TRPM3: variants seen among roughly 807,000 people sequenced by gnomAD.
TRPM3 encodes long transient receptor potential channel 3.
Under a neutral mutation model 181.2 loss-of-function variants are expected in TRPM3, and 77 were observed. That is an observed-to-expected ratio of 0.42 (90% confidence interval 0.35 to 0.51). The LOEUF (loss-of-function observed/expected upper bound fraction) is 0.51, where lower values mean the gene tolerates loss of function less well. Ranked by LOEUF, TRPM3 falls within the 20% of genes least tolerant of loss-of-function variation. The probability of loss-of-function intolerance (pLI) is 0.01; values close to 1 mark genes in which losing one functional copy is unlikely to be tolerated. For missense variants in TRPM3, 1,759 were observed against 2,196.7 expected (o/e 0.80, Z 3.98); for synonymous variants, 745 against 796.4 (o/e 0.94, Z 1.09).
intron 1 of TRPM3, among the ~76,000 whole-genome samples, chr9:71,194,808 A>G (rs2078246263): frequency 6.6e-6 from 1 of 151,970 alleles, no homozygotes; most frequent in South Asian, 2.1e-4. Context: ...TTAAAAAGAA[A>G]AAAAAAAGAA....
At chr9:70,771,725 A>C (rs1330223903) in intron 7 of TRPM3, among the ~76,000 whole-genome samples, 1 of 152,172 alleles carries the variant, frequency 6.6e-6, no homozygotes, top group African/African-American at 2.4e-5. Flanking sequence ...TGGACTGTGC[A>C]TATAATCTCT....
intron 12 of TRPM3, among the ~76,000 whole-genome samples, chr9:70,634,963 A>G (rs967959114): frequency 3.9e-5 from 6 of 152,162 alleles, no homozygotes; most frequent in African/African-American, 1.2e-4. Context: ...TCCGCTACCC[A>G]AAAGCATTAT....
intron 1 of TRPM3, among the ~76,000 whole-genome samples, chr9:71,014,223 ATTTTTG>A (rs1332979764): frequency 2.0e-5 from 3 of 151,926 alleles, no homozygotes; most frequent in Non-Finnish European, 4.4e-5. Flanking sequence ...CAAGTGGGGC[ATTTTTG>A]TTATTTCTTG....
intron 1 of TRPM3, among the ~76,000 whole-genome samples, chr9:71,228,195 A>G (rs1329084066): frequency 6.6e-6 from 1 of 152,192 alleles, no homozygotes; most frequent in Non-Finnish European, 1.5e-5. Flanking sequence ...ACATCAATCA[A>G]TGTGATGCAT....
intron 1 of TRPM3, among the ~76,000 whole-genome samples, chr9:71,053,214 A>G (rs1323740965): frequency 6.6e-6 from 1 of 151,762 alleles, no homozygotes; most frequent in Non-Finnish European, 1.5e-5. Context: ...CTAAACAAGA[A>G]TGTGGTTGAA....
intron 19 of TRPM3, among the ~76,000 whole-genome samples, chr9:70,607,973 T>TGAA (rs1466555627): frequency 3.3e-5 from 5 of 152,252 alleles, no homozygotes; most frequent in African/African-American, 1.2e-4. Flanking sequence ...AAGTTCGGCC[T>TGAA]GAAGTTTTCT....
intron 1 of TRPM3, among the ~76,000 whole-genome samples, chr9:71,195,044 T>C (rs891828936): frequency 6.6e-6 from 1 of 151,806 alleles, no homozygotes; most frequent in Admixed American, 6.6e-5. Context: ...TTAAAGAATA[T>C]CGTTTTAACC....
At chr9:70,787,303 A>C (rs1015317992) in intron 6 of TRPM3, among the ~76,000 whole-genome samples, 1 of 152,178 alleles carries the variant, frequency 6.6e-6, no homozygotes, top group Non-Finnish European at 1.5e-5. Flanking sequence ...AATTGAACGG[A>C]GCAAACTGTC....
intron 21 of TRPM3, among the ~76,000 whole-genome samples, chr9:70,595,690 G>T (rs901763415): frequency 4.6e-5 from 7 of 152,088 alleles, no homozygotes; most frequent in Admixed American, 2.6e-4. Context: ...TGCAGAGAGG[G>T]TCCACAGATC....
intron 1 of TRPM3, among the ~76,000 whole-genome samples, chr9:71,270,971 T>G (rs993962382): frequency 1.3e-5 from 2 of 152,154 alleles, no homozygotes; most frequent in African/African-American, 4.8e-5. Context: ...TCCAGCCCAG[T>G]TGAGCCATCA....
At chr9:70,915,594 C>T (rs2096586348) in intron 1 of TRPM3, among the ~76,000 whole-genome samples, 4 of 151,636 alleles carry the variant, frequency 2.6e-5, no homozygotes, top group African/African-American at 9.7e-5. Flanking sequence ...CATGAGCCAC[C>T]ACGCCTGGCC....
intron 1 of TRPM3, among the ~76,000 whole-genome samples, chr9:70,888,362 GGTGTGTGT>G (rs71367235): frequency 0.037 from 5,283 of 143,720 alleles, 130 homozygotes; most frequent in African/African-American, 0.066. Flanking sequence ...TTTATTTTGG[GGTGTGTGT>G]GTGTGTGTGT....
chr9:70,756,431 C>A (rs2077091370), intron 8 of TRPM3, among the ~76,000 whole-genome samples: 1 of 152,072 alleles, frequency 6.6e-6, no homozygotes, highest in South Asian at 2.1e-4. Context: ...TTAGACAGAT[C>A]AATGAGATAA....
At chr9:70,681,662 A>G in intron 8 of TRPM3, 84 bp from the exon 9 acceptor site, 1 of 1,123,480 alleles carries the variant, frequency 8.9e-7, no homozygotes. Context: ...CTGAGCAGAG[A>G]CTATCTCTAT....
chr9:71,134,423 G>A (rs2074626499), intron 1 of TRPM3, among the ~76,000 whole-genome samples: 1 of 151,826 alleles, frequency 6.6e-6, no homozygotes, highest in South Asian at 2.1e-4. Flanking sequence ...GTGATGGTGT[G>A]CACCTGTAGT....
rs779666757 is a variant in TRPM3, at chr9:70,536,759, G to T, written c.4354C>A (p.Pro1452Thr). 49 of 1,614,072 alleles carry T rather than the reference G, an allele frequency of 3.0e-5. No individual in the cohort carries two copies. In the South Asian group the frequency reaches 4.7e-4, roughly 16 times the overall value. Residue 1452 changes from proline to threonine, a missense_variant, in exon 26 of 26, where the codon CCT becomes ACT. This residue lies in a region of TRPM3 where 612 missense variants were observed against 590.0 expected (regional missense o/e 1.04). Transcript: ENST00000677713. The part of the protein sequence containing the change: ...SFSTPVPSTA[P>T]SSSAYATLAP... ...AGTGTTGCATAGGCACTACTTGAAG[G>T]GGCTGTGGAAGGTACTGGAGTTGAA...
At chr9:71,424,989 T>C (rs2093837851) in intron 1 of TRPM3, among the ~76,000 whole-genome samples, 1 of 152,120 alleles carries the variant, frequency 6.6e-6, no homozygotes. Context: ...AATGGGCTAT[T>C]TAATATTCTC....
intron 24 of TRPM3, among the ~76,000 whole-genome samples, chr9:70,551,652 G>T (rs7021227): frequency 0.48 from 72,470 of 151,982 alleles, 17,783 homozygotes; most frequent in East Asian, 0.72. Flanking sequence ...GACTCATGCT[G>T]TATTGTAAAT....
At chr9:70,575,744 T>C (rs2053762435) in intron 22 of TRPM3, among the ~76,000 whole-genome samples, 1 of 152,228 alleles carries the variant, frequency 6.6e-6, no homozygotes, top group African/African-American at 2.4e-5. Flanking sequence ...TTTGAGTAAC[T>C]TGCCCAAGGT....
Sources: gnomAD v4.1 joint callset for allele counts (sites outside exome capture counted in the v4.1 genomes callset) on GRCh38, gnomAD v4.1.1 for gene constraint, gnomAD v4.1.1 regional missense constraint, MANE v1.5 for transcripts, NCBI Gene and HGNC (gene_info 2026-07-23, HGNC 2026-07-21) for gene names.